BTBD8: variants seen among roughly 807,000 people sequenced by gnomAD.
BTBD8 encodes BTB domain containing 8, also known as BTB/POZ domain-containing protein 8.
In BTBD8, 110 loss-of-function variants were observed where a neutral mutation model predicts 162.9. The observed-to-expected ratio is 0.68, with a 90% CI of 0.58 to 0.79. The LOEUF (loss-of-function observed/expected upper bound fraction) is 0.79, where lower values mean the gene tolerates loss of function less well. Among genes scored for constraint, BTBD8 ranks in the 30% least tolerant of loss-of-function variants. The pLI is 0.00. For missense variants in BTBD8, 1,905 were observed against 2,085.4 expected (o/e 0.91, Z 1.68); for synonymous variants, 667 against 716.1 (o/e 0.93, Z 1.10).
chr1:92,165,449 T>C (rs1650363543), intron 9 of BTBD8, among the ~76,000 whole-genome samples: 1 of 150,884 alleles, frequency 6.6e-6, no homozygotes, highest in South Asian at 2.1e-4. Flanking sequence ...ATAGTGTGTA[T>C]AAAAGAAATC....
At chr1:92,130,153 C>T (rs1329154419) in intron 5 of BTBD8, among the ~76,000 whole-genome samples, 1 of 152,056 alleles carries the variant, frequency 6.6e-6, no homozygotes. Flanking sequence ...TTCCTTGGTG[C>T]GTGCACTTGG....
intron 4 of BTBD8, among the ~76,000 whole-genome samples, chr1:92,123,043 CA>C (rs1021976682): frequency 2.0e-5 from 3 of 152,152 alleles, no homozygotes; most frequent in Non-Finnish European, 4.4e-5. Flanking sequence ...AGGCAAGTGT[CA>C]AGTTTAATTT....
chr1:92,100,678 C>T (rs1002966127), intron 2 of BTBD8, among the ~76,000 whole-genome samples: 3 of 151,986 alleles, frequency 2.0e-5, no homozygotes, highest in South Asian at 2.1e-4. Flanking sequence ...GGCATGATCT[C>T]GGCTCACTGC....
intron 9 of BTBD8, 63 bp from the exon 10 acceptor site, chr1:92,166,895 C>T: frequency 6.9e-7 from 1 of 1,445,618 alleles, no homozygotes; most frequent in Non-Finnish European, 9.2e-7. Flanking sequence ...ATTTGATTTG[C>T]TTAGAGAGTT....
At chr1:92,093,040 T>C (rs1648356230) in intron 2 of BTBD8, among the ~76,000 whole-genome samples, 1 of 152,140 alleles carries the variant, frequency 6.6e-6, no homozygotes, top group Non-Finnish European at 1.5e-5. Context: ...AGAGCATAAA[T>C]GGAAAATTGC....
Position 92,181,167 on chromosome 1 carries a change from G to A in BTBD8, c.3484G>A (p.Glu1162Lys), listed in dbSNP as rs768307513. 253 of 1,551,532 alleles carry A rather than the reference G, an allele frequency of 1.6e-4. No homozygotes were observed. Among genetic ancestry groups the A allele is most frequent in the Non-Finnish European group, 2.1e-4 (246 of 1,146,986 alleles). ...AAATGGTACCTTAAATTCTGCTCAA[G>A]AAGACAAAAAATCGAAAGTTCCTGT... ...RTNGTLNSAQ[E>K]DKKSKVPVEG... The change falls in exon 17 of 18, where the codon GAA (glutamate) becomes AAA (lysine). Residue 1162 changes from glutamate to lysine, a missense_variant. By Grantham distance (56) the Glu-to-Lys change is moderately conservative. Transcript: ENST00000636805.
chr1:92,162,340 T>G (rs1650290312), intron 9 of BTBD8, among the ~76,000 whole-genome samples: 1 of 152,200 alleles, frequency 6.6e-6, no homozygotes, highest in Admixed American at 6.5e-5. Context: ...GAAAGAGAGT[T>G]CACATCCCTG....
Position 92,171,389 on chromosome 1 carries a change from C to G in BTBD8, c.1574-10C>G. The G allele has an allele frequency of 6.5e-7, 1 of 1,535,818 alleles. No individual in the cohort carries two copies. The highest frequency in any genetic ancestry group is 8.8e-7 in the Non-Finnish European group (1 of 1,138,672). Reference sequence around the variant, plus strand: ...TCCTTATAAAAACAAATTGCTGTTTCTTTCTACAGCTGCATTTGACAAAGG... The same window carrying G: ...TCCTTATAAAAACAAATTGCTGTTTGTTTCTACAGCTGCATTTGACAAAGG... On this transcript the variant is annotated splice_polypyrimidine_tract_variant and intron_variant, in intron 12 of 17. Coordinates refer to ENST00000636805, the MANE Select transcript of BTBD8 (RefSeq NM_001376131.1).
At chr1:92,084,372 G>A (rs984246989) in intron 1 of BTBD8, among the ~76,000 whole-genome samples, 3 of 152,200 alleles carry the variant, frequency 2.0e-5, no homozygotes, top group African/African-American at 7.2e-5. Flanking sequence ...GTACCTGCGT[G>A]TGTTGCGAGC....
At chr1:92,137,292 G>A (rs1649657448) in intron 5 of BTBD8, among the ~76,000 whole-genome samples, 1 of 152,148 alleles carries the variant, frequency 6.6e-6, no homozygotes, top group African/African-American at 2.4e-5. Context: ...TTTTAGCAAA[G>A]TCACCCTAAT....
At chr1:92,126,661 A>G (rs753768022) in intron 4 of BTBD8, among the ~76,000 whole-genome samples, 6 of 152,186 alleles carry the variant, frequency 3.9e-5, no homozygotes, top group Non-Finnish European at 7.3e-5. Flanking sequence ...AATTAAATAG[A>G]GTTTTATGGA....
intron 5 of BTBD8, among the ~76,000 whole-genome samples, chr1:92,136,847 T>C (rs1023926415): frequency 6.6e-6 from 1 of 152,102 alleles, no homozygotes; most frequent in Admixed American, 6.6e-5. Flanking sequence ...GTTGGTATGG[T>C]GATTAAATGA....
intron 4 of BTBD8, among the ~76,000 whole-genome samples, chr1:92,111,136 C>T (rs1648882375): frequency 7.2e-5 from 11 of 151,836 alleles, no homozygotes; most frequent in Admixed American, 4.6e-4. Context: ...GGTTTACAGG[C>T]GCACACCACC....
intron 5 of BTBD8, among the ~76,000 whole-genome samples, chr1:92,137,777 T>C (rs1337072195): frequency 6.6e-6 from 1 of 152,134 alleles, no homozygotes; most frequent in Non-Finnish European, 1.5e-5. Context: ...GACTTGGGGA[T>C]GGGGATGATG....
At chr1:92,164,338 C>T (rs1269513937) in intron 9 of BTBD8, among the ~76,000 whole-genome samples, 2 of 152,004 alleles carry the variant, frequency 1.3e-5, no homozygotes, top group African/African-American at 2.4e-5. Flanking sequence ...TTTTTTAGAG[C>T]TGGGCGTGGT....
intron 4 of BTBD8, chr1:92,125,426 C>CA (rs1649329685): frequency 6.8e-6 from 2 of 294,892 alleles, no homozygotes; most frequent in African/African-American, 4.5e-5. Context: ...ATGTACTGCT[C>CA]AACCCGAGGG....
intron 2 of BTBD8, 132 bp from the exon 3 acceptor site, chr1:92,102,341 C>A: frequency 1.2e-6 from 1 of 820,054 alleles, no homozygotes; most frequent in Non-Finnish European, 1.7e-6. Flanking sequence ...TTTAGATTGA[C>A]CTTTCTACAG....
chr1:92,166,890 A>G, intron 9 of BTBD8, 68 bp from the exon 10 acceptor site: 2 of 1,416,766 alleles, frequency 1.4e-6, no homozygotes, highest in Non-Finnish European at 1.9e-6. Context: ...AAAGTATTTG[A>G]TTTGCTTAGA....
At chr1:92,085,916 T>C (rs1648147414) in intron 1 of BTBD8, among the ~76,000 whole-genome samples, 1 of 152,042 alleles carries the variant, frequency 6.6e-6, no homozygotes, top group Non-Finnish European at 1.5e-5. Flanking sequence ...AGGGGGCCAA[T>C]GCTAGTATGG....
Sources: allele counts gnomAD v4.1 joint callset (sites outside exome capture counted in the v4.1 genomes callset), GRCh38; gene constraint gnomAD v4.1.1; transcripts MANE v1.5; gene names NCBI Gene and HGNC (gene_info 2026-07-23, HGNC 2026-07-21).